Variants in ALK observed in about 807,000 individuals in gnomAD.
The protein encoded by ALK is ALK tyrosine kinase receptor.
ALK carries 74 observed loss-of-function variants against 163.1 expected under a neutral mutation model. That is an observed-to-expected ratio of 0.45 (90% CI 0.38 to 0.55). ALK has a LOEUF of 0.55. Among genes scored for constraint, ALK ranks in the 20% least tolerant of loss-of-function variants. The probability of loss-of-function intolerance (pLI) is 0.00; values close to 1 mark genes in which losing one functional copy is unlikely to be tolerated. For missense variants in ALK, 2,063 were observed against 2,105.3 expected (o/e 0.98, Z 0.39); for synonymous variants, 960 against 843.2 (o/e 1.14, Z -2.40).
chr2:29,574,671 A>C (rs1177736653), intron 3 of ALK, among the ~76,000 whole-genome samples: 1 of 152,220 alleles, frequency 6.6e-6, no homozygotes, highest in Non-Finnish European at 1.5e-5. Context: ...AATGGGTACA[A>C]GTTCCCTAGA....
chr2:29,745,502 T>C (rs912808921), intron 1 of ALK, among the ~76,000 whole-genome samples: 1 of 152,182 alleles, frequency 6.6e-6, no homozygotes, highest in Non-Finnish European at 1.5e-5. Context: ...CTTGTACAGA[T>C]GAGAAGAAAG....
intron 1 of ALK, among the ~76,000 whole-genome samples, chr2:29,850,943 C>T (rs992166957): frequency 1.3e-5 from 2 of 152,228 alleles, no homozygotes; most frequent in Admixed American, 1.3e-4. Flanking sequence ...TGGCACCCTT[C>T]ACCGGTGCCG....
At chr2:29,678,570 T>G (rs1396589964) in intron 3 of ALK, among the ~76,000 whole-genome samples, 1 of 151,480 alleles carries the variant, frequency 6.6e-6, no homozygotes, top group African/African-American at 2.4e-5. Flanking sequence ...ATTTAGAAGT[T>G]CATTATTTAA....
chr2:29,690,819 C>T (rs918610131), intron 3 of ALK, among the ~76,000 whole-genome samples: 2 of 152,110 alleles, frequency 1.3e-5, no homozygotes, highest in African/African-American at 4.8e-5. Context: ...CTATAACTGA[C>T]AAGAAATATT....
rs1306439044 is a variant in ALK at position 29,252,002 on chromosome 2, C to T, written c.2042-735G>A. 3.9e-5 allele frequency among the ~76,000 whole-genome samples: 6 copies of T among 152,296 alleles called. No homozygotes were observed. In the East Asian group the frequency reaches 1.2e-3, roughly 29 times the overall value. ...AAATGCAACGAAGACAGCTTTCAGGCTCTCCAAGCAACAGAGTATAAAAAA... is the reference window on the plus strand; with the variant it reads ...AAATGCAACGAAGACAGCTTTCAGGTTCTCCAAGCAACAGAGTATAAAAAA... On this transcript the variant is annotated intron_variant, in intron 11 of 28. Transcript: ENST00000389048.
At chr2:29,649,269 A>T (rs983441219) in intron 3 of ALK, among the ~76,000 whole-genome samples, 16 of 151,102 alleles carry the variant, frequency 1.1e-4, no homozygotes, top group African/African-American at 3.7e-4. Context: ...TGTGTGTGTG[A>T]CAGAGTGTGT....
intron 1 of ALK, among the ~76,000 whole-genome samples, chr2:29,793,654 G>C (rs1421582659): frequency 1.3e-5 from 2 of 152,078 alleles, no homozygotes; most frequent in Non-Finnish European, 2.9e-5. Flanking sequence ...TAATTTTCTT[G>C]TACATCTCCA....
intron 4 of ALK, among the ~76,000 whole-genome samples, chr2:29,413,151 A>G (rs938379613): frequency 6.6e-6 from 1 of 152,222 alleles, no homozygotes; most frequent in Non-Finnish European, 1.5e-5. Context: ...CTTAGGGACC[A>G]TGATGAACAA....
intron 4 of ALK, among the ~76,000 whole-genome samples, chr2:29,410,114 C>T (rs145035196): frequency 4.6e-5 from 7 of 152,204 alleles, no homozygotes; most frequent in South Asian, 4.2e-4. Flanking sequence ...GTGATTTTGT[C>T]GTCATGGGAA....
intron 3 of ALK, among the ~76,000 whole-genome samples, chr2:29,568,500 C>T (rs1410649081): frequency 6.6e-6 from 1 of 152,176 alleles, no homozygotes; most frequent in Non-Finnish European, 1.5e-5. Flanking sequence ...AGTGTGCTTT[C>T]AGGTGGGTGA....
chr2:29,576,503 T>C (rs978782799), intron 3 of ALK, among the ~76,000 whole-genome samples: 19 of 152,204 alleles, frequency 1.2e-4, no homozygotes, highest in African/African-American at 4.1e-4. Context: ...TTGACATTTG[T>C]CCCTCCCTGT....
chr2:29,265,205 A>G (rs1174150201), intron 11 of ALK, among the ~76,000 whole-genome samples: 1 of 152,094 alleles, frequency 6.6e-6, no homozygotes, highest in Non-Finnish European at 1.5e-5. Flanking sequence ...TTCTGTAGAG[A>G]CAGGGTTTCA....
intron 18 of ALK, 75 bp from the exon 19 acceptor site, chr2:29,225,640 C>T (rs959704179): frequency 2.4e-6 from 3 of 1,265,926 alleles, no homozygotes; most frequent in Non-Finnish European, 3.4e-6. Flanking sequence ...TCAGAAATAA[C>T]CTCCCCCACT....
At chr2:29,650,202 T>C (rs745563367) in intron 3 of ALK, among the ~76,000 whole-genome samples, 1 of 152,136 alleles carries the variant, frequency 6.6e-6, no homozygotes, top group Admixed American at 6.5e-5. Context: ...GAACTGAACA[T>C]ATGGATAGGT....
chr2:29,584,758 G>A (rs1674832229), intron 3 of ALK, among the ~76,000 whole-genome samples: 1 of 152,184 alleles, frequency 6.6e-6, no homozygotes. Context: ...GGTGACATCA[G>A]TTGTATTTGA....
intron 1 of ALK, among the ~76,000 whole-genome samples, chr2:29,916,028 T>C (rs1424102781): frequency 6.6e-6 from 1 of 152,262 alleles, no homozygotes; most frequent in African/African-American, 2.4e-5. Context: ...CTCCAGGGTT[T>C]GGATCATAAA....
chr2:29,726,214 C>T (rs1679571565), intron 1 of ALK, among the ~76,000 whole-genome samples: 1 of 152,308 alleles, frequency 6.6e-6, no homozygotes, highest in Admixed American at 6.5e-5. Context: ...ACATGACTCT[C>T]TGTTTGGGTC....
chr2:29,713,157 A>G lies in ALK; in HGVS notation c.787+4421T>C, dbSNP rs116355940. On this transcript the variant is annotated intron_variant, in intron 2 of 28. Coordinates refer to ENST00000389048, the MANE Select transcript of ALK (RefSeq NM_004304.5). Reference sequence around the variant, plus strand: ...ACACATCACTCTAATTTCTGATTCCATAGTTACATGGTGTGCACCCTATAT... The same window carrying G: ...ACACATCACTCTAATTTCTGATTCCGTAGTTACATGGTGTGCACCCTATAT... Among the ~76,000 whole-genome samples the G allele has an allele frequency of 9.6e-3, 1,461 of 152,260 alleles. 19 individuals carry two copies. The highest frequency in any genetic ancestry group is 0.034 in the South Asian group (166 of 4,814).
At chr2:29,644,874 T>TG (rs1676826903) in intron 3 of ALK, among the ~76,000 whole-genome samples, 1 of 152,190 alleles carries the variant, frequency 6.6e-6, no homozygotes, top group Non-Finnish European at 1.5e-5. Context: ...ATAATGATCC[T>TG]GACTTGCTTG....
Sources: allele counts gnomAD v4.1 joint callset (sites outside exome capture counted in the v4.1 genomes callset), GRCh38; gene constraint gnomAD v4.1.1; transcripts MANE v1.5; gene names NCBI Gene and HGNC (gene_info 2026-07-23, HGNC 2026-07-21).